PVT1: variants seen among roughly 807,000 people sequenced by gnomAD.
The protein encoded by PVT1 is Pvt1 oncogene.
chr8:127,854,177 C>T (rs1483978669), intron 2 of PVT1, among the ~76,000 whole-genome samples: 5 of 152,186 alleles, frequency 3.3e-5, no homozygotes, highest in East Asian at 3.8e-4. Flanking sequence ...TTTACCCTGG[C>T]GCAGGGACAG....
intron 3 of PVT1, among the ~76,000 whole-genome samples, chr8:127,987,614 G>A (rs990877573): frequency 2.0e-5 from 3 of 152,156 alleles, no homozygotes; most frequent in Non-Finnish European, 4.4e-5. Flanking sequence ...CTTAACACCA[G>A]GAACAAGCCT....
chr8:127,967,899 T>C (rs1816720958), intron 3 of PVT1, among the ~76,000 whole-genome samples: 1 of 152,216 alleles, frequency 6.6e-6, no homozygotes, highest in Admixed American at 6.5e-5. Flanking sequence ...TTGCCTCCAC[T>C]GACATTTATT....
intron 2 of PVT1, among the ~76,000 whole-genome samples, chr8:127,836,687 A>G (rs1814912333): frequency 6.6e-6 from 1 of 152,208 alleles, no homozygotes; most frequent in African/African-American, 2.4e-5. Context: ...GCACTGCTTT[A>G]AGTGCATTAC....
intron 5 of PVT1, among the ~76,000 whole-genome samples, chr8:128,074,071 A>G (rs1814046820): frequency 1.3e-5 from 2 of 152,160 alleles, no homozygotes; most frequent in Admixed American, 1.3e-4. Context: ...TCTTTTCAGA[A>G]GACAGTGATG....
chr8:128,071,793 A>G (rs922334880), intron 5 of PVT1, among the ~76,000 whole-genome samples: 7 of 152,090 alleles, frequency 4.6e-5, no homozygotes, highest in Non-Finnish European at 8.8e-5. Context: ...CCTGGGAAGC[A>G]TTTTATTTCT....
chr8:128,050,659 GAATGTC>G (rs879336088), intron 4 of PVT1, among the ~76,000 whole-genome samples: 35 of 152,208 alleles, frequency 2.3e-4, no homozygotes, highest in Admixed American at 1.5e-3. Flanking sequence ...GTGACCCTAG[GAATGTC>G]ACCTCACCAC....
At chr8:127,953,064 C>A (rs1207106366) in intron 3 of PVT1, among the ~76,000 whole-genome samples, 16 of 152,072 alleles carry the variant, frequency 1.1e-4, no homozygotes, top group Admixed American at 1.0e-3. Context: ...GCGTCCGGCC[C>A]GTGCCTGCAT....
chr8:127,831,340 C>CA (rs1357439496), intron 2 of PVT1, among the ~76,000 whole-genome samples: 1 of 151,714 alleles, frequency 6.6e-6, no homozygotes, highest in Non-Finnish European at 1.5e-5. Flanking sequence ...GCATCAGCAA[C>CA]CTGGCAGATG....
At chr8:127,839,058 T>C (rs905052636) in intron 2 of PVT1, among the ~76,000 whole-genome samples, 1 of 152,056 alleles carries the variant, frequency 6.6e-6, no homozygotes, top group African/African-American at 2.4e-5. Flanking sequence ...TCCAGATGTG[T>C]AGTGAGTAGG....
At chr8:127,848,770 T>TA (rs755226742) in intron 2 of PVT1, among the ~76,000 whole-genome samples, 6 of 152,324 alleles carry the variant, frequency 3.9e-5, no homozygotes, top group Non-Finnish European at 2.9e-5. Context: ...CCACCACCCC[T>TA]AGTGCTCCAA....
At chr8:127,856,238 T>A (rs545684942) in intron 2 of PVT1, among the ~76,000 whole-genome samples, 10 of 151,588 alleles carry the variant, frequency 6.6e-5, no homozygotes, top group South Asian at 4.2e-4. Context: ...GCTTAGGGGG[T>A]ATGCTGGGGT....
intron 3 of PVT1, among the ~76,000 whole-genome samples, chr8:127,979,833 T>G (rs937102429): frequency 6.6e-6 from 1 of 152,182 alleles, no homozygotes; most frequent in Non-Finnish European, 1.5e-5. Flanking sequence ...AGTAACTGCT[T>G]TAGAAGAAGC....
chr8:128,093,488 C>T (rs566258476), intron 5 of PVT1, among the ~76,000 whole-genome samples: 3 of 151,586 alleles, frequency 2.0e-5, no homozygotes, highest in Non-Finnish European at 2.9e-5. Context: ...ACATGGGAGG[C>T]GGAGGTTGCA....
In PVT1 at chr8:128,004,824, A is replaced by T. The variant is rs554502706; in HGVS notation, n.912+15533A>T. 4.6e-5 allele frequency among the ~76,000 whole-genome samples: 7 copies of T among 152,326 alleles called. No individual in the cohort carries two copies. The East Asian group carries it at 1.4e-3, about 29-fold the overall frequency. On this transcript the variant is annotated intron_variant and non_coding_transcript_variant, in intron 4 of 10. Transcript: ENST00000651587. ...CTCTATGTTGTTGCGAAGTCCACAT[A>T]AAGTGACATGAAATTGATTATAAAA...
intron 4 of PVT1, among the ~76,000 whole-genome samples, chr8:128,038,758 GAGCAGCCCTGCCTCACTAGATTC>G (rs1813493906): frequency 6.6e-6 from 1 of 152,118 alleles, no homozygotes; most frequent in African/African-American, 2.4e-5. Flanking sequence ...CTGAGAAGTG[GAGCAGCCCTGCCTCACTAGATTC>G]AGTAAGAGGA....
chr8:127,827,521 C>A (rs998844533), intron 2 of PVT1, among the ~76,000 whole-genome samples: 1 of 152,154 alleles, frequency 6.6e-6, no homozygotes, highest in South Asian at 2.1e-4. Context: ...TAACCAGCCC[C>A]CTTCACGGTC....
chr8:127,831,229 G>A (rs1046620435), intron 2 of PVT1, among the ~76,000 whole-genome samples: 3 of 151,450 alleles, frequency 2.0e-5, no homozygotes, highest in African/African-American at 7.3e-5. Flanking sequence ...GAGGCAGGAG[G>A]GCCGTTTGAG....
intron 4 of PVT1, among the ~76,000 whole-genome samples, chr8:128,025,147 C>T (rs1033914323): frequency 6.6e-6 from 1 of 152,230 alleles, no homozygotes; most frequent in African/African-American, 2.4e-5. Flanking sequence ...CTGGCGCAGG[C>T]CAGGCAGGAG....
At chr8:127,863,708 G>A (rs918681011) in intron 2 of PVT1, among the ~76,000 whole-genome samples, 2 of 152,212 alleles carry the variant, frequency 1.3e-5, no homozygotes, top group Non-Finnish European at 2.9e-5. Flanking sequence ...ATGTGTTGCT[G>A]CAGCACTTAG....
Sources: gnomAD v4.1 joint callset for allele counts (sites outside exome capture counted in the v4.1 genomes callset) on GRCh38, gnomAD v4.1.1 for gene constraint, MANE v1.5 for transcripts, NCBI Gene and HGNC (gene_info 2026-07-23, HGNC 2026-07-21) for gene names.